TMC7: variants seen among roughly 807,000 people sequenced by gnomAD.
TMC7 encodes the protein transmembrane channel-like protein 7.
A neutral mutation model predicts 82.9 loss-of-function variants in TMC7; 54 were observed. The ratio of observed to expected loss-of-function variants is 0.65; its 90% CI spans 0.52 to 0.82. The LOEUF (loss-of-function observed/expected upper bound fraction) is 0.82, where lower values mean the gene tolerates loss of function less well. Among genes scored for constraint, TMC7 ranks in the 40% least tolerant of loss-of-function variants. The probability of loss-of-function intolerance (pLI) is 0.00; values close to 1 mark genes in which losing one functional copy is unlikely to be tolerated. For synonymous variants in TMC7, 350 were observed against 337.9 expected, an observed-to-expected ratio of 1.04 and a Z score of -0.39; for missense variants, 820 against 901.2, an observed-to-expected ratio of 0.91 and a Z score of 1.15.
Position 19,046,198 on chromosome 16 carries a change from C to G in TMC7, c.1553+760C>G, listed in dbSNP as rs114992580. On this transcript the variant is annotated intron_variant, in intron 11 of 15. Coordinates refer to ENST00000304381, the MANE Select transcript of TMC7 (RefSeq NM_024847.4). ...CAGACCTTCCAGGCTGCAGTGGACA[C>G]CTGTCTCCCGATCTGGGTTCAAACT... Among the ~76,000 whole-genome samples the G allele has an allele frequency of 9.0e-3, 1,373 of 152,278 alleles. 9 individuals are homozygous for G. The highest frequency in any genetic ancestry group is 0.021 in the African/African-American group (853 of 41,560).
chr16:18,985,657 C>G (rs879310810), intron 1 of TMC7, among the ~76,000 whole-genome samples: 11 of 151,652 alleles, frequency 7.3e-5, no homozygotes, highest in Non-Finnish European at 1.3e-4. Context: ...TATAATTGGG[C>G]CCTCTAACTA....
At chr16:19,059,102 T>G (rs1304036599) in intron 14 of TMC7, among the ~76,000 whole-genome samples, 2 of 152,128 alleles carry the variant, frequency 1.3e-5, no homozygotes, top group Non-Finnish European at 2.9e-5. Flanking sequence ...GGTCTCAAAT[T>G]CCTGACCTCA....
rs553047124 is a variant in TMC7 at position 19,062,066 on chromosome 16, C to T, written c.*223C>T. 1.5e-5 allele frequency: 6 copies of T among 405,102 alleles called. No individual in the cohort carries two copies. Among genetic ancestry groups the T allele is most frequent in the African/African-American group, 6.1e-5 (3 of 49,080 alleles). 25.1% of individuals were successfully genotyped at this position (405,102 alleles called of 1,614,324 possible). The stretch of plus-strand genomic sequence containing the variant: ...GAAACCCAAGGCTTTGCCTGCAGAC[C>T]GGCCACTCTGTGACAACTCTACCAA... On this transcript the variant is annotated 3_prime_UTR_variant, in exon 16 of 16. Transcript: ENST00000304381.
rs1039468076 is a variant in TMC7, at chr16:19,032,763, G to C, written c.857+2394G>C. 3.3e-5 allele frequency among the ~76,000 whole-genome samples: 5 copies of C among 152,250 alleles called. No homozygotes were observed. The South Asian group carries it at 1.0e-3, about 32-fold the overall frequency. ...CTGCCTCAGCCTCCCAAGTAGCTGAGATTACAGGTGCACGCCACCACGACT... is the reference window on the plus strand; with the variant it reads ...CTGCCTCAGCCTCCCAAGTAGCTGACATTACAGGTGCACGCCACCACGACT... On this transcript the variant is annotated intron_variant, in intron 6 of 15. Coordinates refer to ENST00000304381, the MANE Select transcript of TMC7 (RefSeq NM_024847.4).
rs368588877 is a variant in TMC7 at position 19,016,587 on chromosome 16, G to A, written c.449G>A (p.Arg150His). 93 of 1,613,306 alleles carry A rather than the reference G, an allele frequency of 5.8e-5. No individual in the cohort carries two copies. Among genetic ancestry groups the A allele is most frequent in the Non-Finnish European group, 7.1e-5 (84 of 1,179,922 alleles). ...THLELWREDIRSIEGKFGTGI... is the reference protein window; with the variant it reads ...THLELWREDIHSIEGKFGTGI... ...CTGGAGCTGTGGCGGGAGGACATCC[G>A]CAGCATAGAAGGTATGCTGTCCTCA... Residue 150 changes from arginine (R) to histidine (H), a missense_variant, in exon 3 of 16, where the codon CGC (arginine) becomes CAC (histidine). Physicochemically the swap from Arg to His is conservative, Grantham distance 29. Coordinates refer to ENST00000304381, the MANE Select transcript of TMC7 (RefSeq NM_024847.4).
At chr16:19,027,264 A>G (rs1361167337) in intron 5 of TMC7, among the ~76,000 whole-genome samples, 1 of 151,138 alleles carries the variant, frequency 6.6e-6, no homozygotes. Flanking sequence ...ACAGGGTTTC[A>G]TCATGTTGGC....
At chr16:19,032,492 A>G (rs1277306182) in intron 6 of TMC7, among the ~76,000 whole-genome samples, 1 of 151,868 alleles carries the variant, frequency 6.6e-6, no homozygotes, top group Non-Finnish European at 1.5e-5. Context: ...CAGGGTAGAC[A>G]ATTTGGAAGT....
intron 3 of TMC7, among the ~76,000 whole-genome samples, chr16:19,017,887 GTCT>G (rs1959779702): frequency 6.6e-6 from 1 of 152,074 alleles, no homozygotes. Context: ...AGCCAGGATG[GTCT>G]TGATCTCCTG....
chr16:19,023,229 T>C, intron 5 of TMC7, 34 bp downstream of exon 5: 2 of 1,372,948 alleles, frequency 1.5e-6, no homozygotes, highest in Non-Finnish European at 1.0e-6. Flanking sequence ...GTTTAGCTCC[T>C]CAATCTACTA....
intron 8 of TMC7, among the ~76,000 whole-genome samples, chr16:19,039,778 T>G (rs1960923731): frequency 6.6e-6 from 1 of 152,080 alleles, no homozygotes; most frequent in Non-Finnish European, 1.5e-5. Flanking sequence ...AGATCCTGGT[T>G]TTCTTCCTGC....
chr16:19,047,378 T>C, intron 12 of TMC7, 129 bp downstream of exon 12: 1 of 809,480 alleles, frequency 1.2e-6, no homozygotes, highest in East Asian at 2.8e-5. Context: ...TTAAAATATA[T>C]GTTTATTCTA....
chr16:19,035,511 C>T (rs1397803830), intron 6 of TMC7, among the ~76,000 whole-genome samples, 165 bp from the exon 7 acceptor site: 1 of 152,176 alleles, frequency 6.6e-6, no homozygotes, highest in East Asian at 1.9e-4. Flanking sequence ...CAATGAGATA[C>T]CTTGTTAGCT....
intron 6 of TMC7, 53 bp downstream of exon 6, chr16:19,030,422 T>C (rs1270381585): frequency 1.9e-6 from 3 of 1,562,816 alleles, no homozygotes; most frequent in Non-Finnish European, 2.6e-6. Flanking sequence ...CTGGAGGCTA[T>C]TGGAGATATG....
intron 7 of TMC7, among the ~76,000 whole-genome samples, chr16:19,037,054 C>T (rs1960780221): frequency 6.6e-6 from 1 of 152,060 alleles, no homozygotes; most frequent in Non-Finnish European, 1.5e-5. Context: ...CAATTGCAGT[C>T]TTAAATAGGA....
chr16:18,999,423 C>A (rs76485461), intron 1 of TMC7, among the ~76,000 whole-genome samples: 3,162 of 152,328 alleles, frequency 0.021, 114 homozygotes, highest in African/African-American at 0.071. Context: ...GCCCGCACCC[C>A]TGACTTATTT....
At chr16:19,047,331 C>G in intron 12 of TMC7, 82 bp downstream of exon 12, 4 of 1,209,010 alleles carry the variant, frequency 3.3e-6, no homozygotes, top group Non-Finnish European at 3.5e-6. Flanking sequence ...GAGCTCACCT[C>G]ACATCCCATG....
intron 1 of TMC7, among the ~76,000 whole-genome samples, chr16:18,987,315 A>T (rs2038869359): frequency 1.3e-5 from 2 of 150,842 alleles, no homozygotes; most frequent in Admixed American, 1.3e-4. Flanking sequence ...TCTTTATTTT[A>T]TTATTATTAT....
At chr16:18,993,524 G>C (rs1056059693) in intron 1 of TMC7, among the ~76,000 whole-genome samples, 1 of 152,072 alleles carries the variant, frequency 6.6e-6, no homozygotes, top group African/African-American at 2.4e-5. Context: ...GAGAAAAACG[G>C]GCCATGAGGG....
chr16:18,984,210 C>T, intron 1 of TMC7, 80 bp downstream of exon 1: 2 of 1,389,506 alleles, frequency 1.4e-6, no homozygotes, highest in Admixed American at 3.5e-5. Context: ...GCTGGAGGCT[C>T]GGCCTGGCCG....
Sources: allele counts gnomAD v4.1 joint callset (sites outside exome capture counted in the v4.1 genomes callset), GRCh38; gene constraint gnomAD v4.1.1; transcripts MANE v1.5; gene names NCBI Gene and HGNC (gene_info 2026-07-23, HGNC 2026-07-21).